The following LRRTM4 variants were observed in gnomAD, a reference collection of about 807,000 sequenced individuals.
The protein encoded by LRRTM4 is leucine-rich repeat transmembrane neuronal protein 4.
A neutral mutation model predicts 47.6 loss-of-function variants in LRRTM4; 25 were observed. That is an observed-to-expected ratio of 0.53 (90% confidence interval 0.38 to 0.73). The LOEUF is 0.73. LRRTM4 is among the 30% of genes least tolerant of loss of function. The pLI is 0.00. For synonymous variants in LRRTM4, 311 were observed against 269.5 expected, an observed-to-expected ratio of 1.15 and a Z score of -1.51; for missense variants, 638 against 713.4, an observed-to-expected ratio of 0.89 and a Z score of 1.20.
intron 3 of LRRTM4, among the ~76,000 whole-genome samples, chr2:77,107,818 C>CAAAA (rs768875970): frequency 1.0e-4 from 6 of 57,602 alleles, no homozygotes; most frequent in Admixed American, 4.1e-4. Flanking sequence ...AAATCCAACT[C>CAAAA]AAAAAAAAAA....
chr2:77,044,903 G>A (rs1679183352), intron 3 of LRRTM4, among the ~76,000 whole-genome samples: 3 of 151,610 alleles, frequency 2.0e-5, no homozygotes. Context: ...ATATGTGTAT[G>A]TAGATAGGTG....
At chr2:77,280,074 G>A (rs1403311770) in intron 3 of LRRTM4, among the ~76,000 whole-genome samples, 2 of 152,034 alleles carry the variant, frequency 1.3e-5, no homozygotes, top group African/African-American at 4.8e-5. Context: ...CCATTAAGTA[G>A]CGAGATTATC....
intron 3 of LRRTM4, among the ~76,000 whole-genome samples, chr2:77,406,316 CATTATCTATTATTATT>C (rs763340382): frequency 6.6e-6 from 1 of 152,008 alleles, no homozygotes; most frequent in Non-Finnish European, 1.5e-5. Flanking sequence ...CTCTTACATG[CATTATCTATTATTATT>C]ATTATTAGAG....
intron 3 of LRRTM4, among the ~76,000 whole-genome samples, chr2:77,297,394 G>A (rs1677002387): frequency 6.6e-6 from 1 of 152,146 alleles, no homozygotes; most frequent in African/African-American, 2.4e-5. Context: ...TTATTTTATA[G>A]TCACTATGCT....
intron 3 of LRRTM4, among the ~76,000 whole-genome samples, chr2:77,377,615 A>T (rs1230953070): frequency 6.6e-6 from 1 of 151,986 alleles, no homozygotes; most frequent in African/African-American, 2.4e-5. Context: ...CATTTTCTGC[A>T]ACTGTTTGAT....
At chr2:76,979,922 A>G (rs1353640118) in intron 3 of LRRTM4, among the ~76,000 whole-genome samples, 1 of 151,884 alleles carries the variant, frequency 6.6e-6, no homozygotes, top group Non-Finnish European at 1.5e-5. Flanking sequence ...AAACTCTCTG[A>G]TCCAAATTAC....
At chr2:77,020,176 T>G (rs541733904) in intron 3 of LRRTM4, among the ~76,000 whole-genome samples, 1 of 100,204 alleles carries the variant, frequency 1.0e-5, no homozygotes, top group Non-Finnish European at 1.8e-5. Flanking sequence ...ATAAGTAGTA[T>G]TAATAAAAAA....
intron 3 of LRRTM4, among the ~76,000 whole-genome samples, chr2:77,007,092 G>A (rs1329081328): frequency 6.6e-6 from 1 of 151,870 alleles, no homozygotes; most frequent in East Asian, 1.9e-4. Flanking sequence ...TTTAACTTGG[G>A]CAAGCTGACA....
chr2:77,239,924 C>A (rs1675210392), intron 3 of LRRTM4, among the ~76,000 whole-genome samples: 1 of 151,806 alleles, frequency 6.6e-6, no homozygotes, highest in Admixed American at 6.6e-5. Flanking sequence ...TAAATCATTA[C>A]ATTAATTATT....
rs181993454 is a variant in LRRTM4 at position 77,337,502 on chromosome 2, T to C, written c.1551+180816A>G. 1.7e-4 allele frequency among the ~76,000 whole-genome samples: 26 copies of C among 152,228 alleles called. No individual in the cohort carries two copies. The East Asian group carries it at 3.9e-3, about 23-fold the overall frequency. On this transcript the variant is annotated intron_variant, in intron 3 of 3. Transcript: ENST00000409884. ...AGGAAGGGACCTGGTAGGAAATGACTGGATCATGCAGTGTTTTCTCCCATG... is the reference window on the plus strand; with the variant it reads ...AGGAAGGGACCTGGTAGGAAATGACCGGATCATGCAGTGTTTTCTCCCATG...
intron 3 of LRRTM4, among the ~76,000 whole-genome samples, chr2:76,905,287 G>A (rs556441971): frequency 2.0e-5 from 3 of 152,234 alleles, no homozygotes; most frequent in Admixed American, 6.5e-5. Context: ...GCGGCTGAGG[G>A]TCCTGTCTGT....
rs546502341 is a variant in LRRTM4, at chr2:76,994,069, A to G, written c.1552-245153T>C. Among the ~76,000 whole-genome samples the G allele has an allele frequency of 2.6e-5, 4 of 152,050 alleles. No individual in the cohort carries two copies. The South Asian group carries it at 8.3e-4, about 31-fold the overall frequency. On this transcript the variant is annotated intron_variant, in intron 3 of 3. Transcript: ENST00000409884. ...GCAGCTAAACATTGGGTACTCGTGG[A>G]CATACCAATGTCCACGGCAACAATA...
intron 3 of LRRTM4, among the ~76,000 whole-genome samples, chr2:77,053,969 G>C (rs896250629): frequency 1.3e-5 from 2 of 151,996 alleles, no homozygotes; most frequent in Non-Finnish European, 2.9e-5. Flanking sequence ...AATATACTTA[G>C]TGACTTAAAA....
At chr2:77,334,774 T>C (rs1671100693) in intron 3 of LRRTM4, among the ~76,000 whole-genome samples, 1 of 152,206 alleles carries the variant, frequency 6.6e-6, no homozygotes, top group Admixed American at 6.5e-5. Flanking sequence ...TCTTGTAGCA[T>C]GGTACTCGGA....
intron 3 of LRRTM4, among the ~76,000 whole-genome samples, chr2:76,956,880 A>G (rs1310331361): frequency 1.3e-5 from 2 of 151,558 alleles, no homozygotes; most frequent in Non-Finnish European, 3.0e-5. Flanking sequence ...AACCACCCAG[A>G]CTGAATTACA....
At chr2:76,815,779 T>C (rs983612709) in intron 3 of LRRTM4, among the ~76,000 whole-genome samples, 1 of 152,036 alleles carries the variant, frequency 6.6e-6, no homozygotes, top group Non-Finnish European at 1.5e-5. Flanking sequence ...CAGAGATGAA[T>C]AGAATGACAT....
intron 3 of LRRTM4, among the ~76,000 whole-genome samples, chr2:77,388,954 T>C (rs575103589): frequency 2.2e-3 from 332 of 152,192 alleles, no homozygotes; most frequent in Non-Finnish European, 3.8e-3. Context: ...AATATAACCA[T>C]TTCACTAAAG....
chr2:76,863,729 T>C (rs548738028), intron 3 of LRRTM4, among the ~76,000 whole-genome samples: 2 of 152,194 alleles, frequency 1.3e-5, no homozygotes, highest in Non-Finnish European at 2.9e-5. Flanking sequence ...ACCTCCATAT[T>C]AATAGAAAAT....
intron 3 of LRRTM4, among the ~76,000 whole-genome samples, chr2:77,077,347 G>C (rs561864189): frequency 1.3e-5 from 2 of 152,158 alleles, no homozygotes; most frequent in African/African-American, 4.8e-5. Context: ...AGTAAGACTA[G>C]CTTATTCCCA....
Sources: allele counts gnomAD v4.1 joint callset (sites outside exome capture counted in the v4.1 genomes callset), GRCh38; gene constraint gnomAD v4.1.1; transcripts MANE v1.5; gene names NCBI Gene and HGNC (gene_info 2026-07-23, HGNC 2026-07-21).